ADCY9: variants seen among roughly 807,000 people sequenced by gnomAD.
ADCY9 encodes adenylate cyclase type 9.
In ADCY9, 50 loss-of-function variants were observed where a neutral mutation model predicts 101.5. The ratio of observed to expected loss-of-function variants is 0.49; its 90% confidence interval spans 0.39 to 0.62. ADCY9 has a LOEUF of 0.62. Among genes scored for constraint, ADCY9 ranks in the 20% least tolerant of loss-of-function variants. The probability of loss-of-function intolerance (pLI) is 0.00; values close to 1 mark genes in which losing one functional copy is unlikely to be tolerated. For synonymous variants in ADCY9, 905 were observed against 769.3 expected (o/e 1.18, Z -2.92); for missense variants, 1,662 against 1,800.4 (o/e 0.92, Z 1.39).
At chr16:3,967,954 G>T (rs1183164877) in intron 10 of ADCY9, among the ~76,000 whole-genome samples, 1 of 152,060 alleles carries the variant, frequency 6.6e-6, no homozygotes, top group Non-Finnish European at 1.5e-5. Flanking sequence ...TTGCCTTAAA[G>T]TGCTGGGATT....
At chr16:4,040,429 G>T (rs2056618988) in intron 2 of ADCY9, among the ~76,000 whole-genome samples, 1 of 151,326 alleles carries the variant, frequency 6.6e-6, no homozygotes. Context: ...ACTTAACAAA[G>T]AACTGCTCAT....
chr16:4,005,366 G>T (rs1205735703), intron 3 of ADCY9, among the ~76,000 whole-genome samples: 1 of 152,112 alleles, frequency 6.6e-6, no homozygotes, highest in African/African-American at 2.4e-5. Flanking sequence ...AGCTGGGACC[G>T]CAGGCACAGG....
chr16:3,973,151 G>A (rs1368735387), intron 10 of ADCY9, among the ~76,000 whole-genome samples: 1 of 152,148 alleles, frequency 6.6e-6, no homozygotes, highest in Non-Finnish European at 1.5e-5. Flanking sequence ...TTGAGTAAAT[G>A]TATAATCAGT....
downstream of ADCY9, among the ~76,000 whole-genome samples, chr16:3,959,388 G>T (rs914318066): frequency 4.0e-5 from 6 of 149,972 alleles, no homozygotes; most frequent in African/African-American, 1.5e-4. Context: ...AAAAATGTCC[G>T]TACTTGATTC....
At chr16:4,044,076 G>A (rs1441993936) in intron 2 of ADCY9, among the ~76,000 whole-genome samples, 1 of 152,138 alleles carries the variant, frequency 6.6e-6, no homozygotes, top group Non-Finnish European at 1.5e-5. Context: ...GCCAGGCACG[G>A]TGGCTCATGC....
chr16:4,076,977 TGAA>T (rs2056871380), intron 2 of ADCY9, among the ~76,000 whole-genome samples: 2 of 150,950 alleles, frequency 1.3e-5, no homozygotes, highest in Admixed American at 1.3e-4. Context: ...CTCAGGGGGC[TGAA>T]GAAGGAGAAT....
At chr16:4,039,495 A>C (rs1292257113) in intron 2 of ADCY9, among the ~76,000 whole-genome samples, 1 of 151,430 alleles carries the variant, frequency 6.6e-6, no homozygotes, top group Non-Finnish European at 1.5e-5. Context: ...CCTGACCAAT[A>C]AGATGAAACT....
At chr16:4,009,104 G>A (rs1257600013) in intron 2 of ADCY9, among the ~76,000 whole-genome samples, 2 of 152,094 alleles carry the variant, frequency 1.3e-5, no homozygotes, top group African/African-American at 4.8e-5. Flanking sequence ...AAAATACTAC[G>A]TGGCTAATCT....
chr16:4,053,492 G>T (rs1367307136), intron 2 of ADCY9, among the ~76,000 whole-genome samples: 1 of 152,168 alleles, frequency 6.6e-6, no homozygotes, highest in Non-Finnish European at 1.5e-5. Flanking sequence ...AGCGCTTCAC[G>T]TGCGAGCCCG....
chr16:3,983,764 A>G, intron 6 of ADCY9: 1 of 308,874 alleles, frequency 3.2e-6, no homozygotes, highest in Non-Finnish European at 6.1e-6. Context: ...ATCTCTACAA[A>G]AAACTTTAAA....
At position 4,113,802 on chromosome 16, in the gene ADCY9, A is replaced by G. The variant is rs1597236134; in HGVS notation, c.1641T>C (p.Asp547=). 2.5e-6 allele frequency: 4 copies of G among 1,613,910 alleles called. No individual in the cohort carries two copies. The highest frequency in any genetic ancestry group is 3.4e-6 in the Non-Finnish European group (4 of 1,179,954). Residue 547 remains aspartate (D), a synonymous_variant, in exon 2 of 11, where the codon GAT becomes GAC. Coordinates refer to ENST00000294016, the MANE Select transcript of ADCY9 (RefSeq NM_001116.4). ...GGCCCAGCCGTTCAATAACTTTCCC[A>G]TCTTCCATTTCGTACCGGTCATCTA... ...KYLDDRYEME[D]GKVIERLGQS... is the part of the protein sequence containing the mutation.
chr16:4,019,872 G>GT (rs1037401151), intron 2 of ADCY9, among the ~76,000 whole-genome samples: 2 of 152,176 alleles, frequency 1.3e-5, no homozygotes, highest in African/African-American at 4.8e-5. Flanking sequence ...GAGGTCAAGA[G>GT]TTTGAGACCA....
intron 4 of ADCY9, among the ~76,000 whole-genome samples, chr16:3,993,020 C>T (rs2056258167): frequency 6.6e-6 from 1 of 152,132 alleles, no homozygotes; most frequent in South Asian, 2.1e-4. Context: ...GGCCCTAACT[C>T]CCAACCTCTC....
intron 2 of ADCY9, among the ~76,000 whole-genome samples, chr16:4,058,014 C>T (rs2056751570): frequency 1.3e-5 from 2 of 151,998 alleles, no homozygotes; most frequent in Admixed American, 6.6e-5. Flanking sequence ...CAAAAATTAG[C>T]CAGGCGTGGT....
intron 2 of ADCY9, among the ~76,000 whole-genome samples, chr16:4,108,831 G>A (rs944029031): frequency 4.0e-5 from 6 of 150,440 alleles, no homozygotes; most frequent in Non-Finnish European, 5.9e-5. Context: ...TCAGCATCCC[G>A]AGTAGCTGGG....
At chr16:3,989,831 C>T (rs554669795) in intron 5 of ADCY9, among the ~76,000 whole-genome samples, 4 of 152,272 alleles carry the variant, frequency 2.6e-5, no homozygotes, top group East Asian at 1.9e-4. Context: ...AATTCAGAAC[C>T]GGCGGTCCTG....
At chr16:4,044,765 T>A (rs954160117) in intron 2 of ADCY9, among the ~76,000 whole-genome samples, 49 of 152,324 alleles carry the variant, frequency 3.2e-4, no homozygotes, top group African/African-American at 1.1e-3. Context: ...ATGTAGAGCC[T>A]GCATCTAAAT....
chr16:3,999,758 G>A (rs554188989), intron 3 of ADCY9, among the ~76,000 whole-genome samples: 10 of 152,354 alleles, frequency 6.6e-5, no homozygotes, highest in Middle Eastern at 6.8e-3. Context: ...CCATGTGGAC[G>A]TGGGCTTTGG....
intron 2 of ADCY9, among the ~76,000 whole-genome samples, chr16:4,039,461 C>G (rs923954858): frequency 6.8e-6 from 1 of 146,590 alleles, no homozygotes; most frequent in Non-Finnish European, 1.5e-5. Flanking sequence ...GGCAGATGTT[C>G]TGAGGTCAGG....
Sources: gnomAD v4.1 joint callset for allele counts (sites outside exome capture counted in the v4.1 genomes callset) on GRCh38, gnomAD v4.1.1 for gene constraint, MANE v1.5 for transcripts, NCBI Gene and HGNC (gene_info 2026-07-23, HGNC 2026-07-21) for gene names.